N4BP2: variants seen among roughly 807,000 people sequenced by gnomAD.
N4BP2 encodes NEDD4 binding protein 2, also known as NEDD4-binding protein 2.
Under a neutral mutation model 152.8 loss-of-function variants are expected in N4BP2, and 91 were observed. That is an observed-to-expected ratio of 0.60 (90% CI 0.50 to 0.71). The LOEUF (loss-of-function observed/expected upper bound fraction) is 0.71, where lower values mean the gene tolerates loss of function less well. Ranked by LOEUF, N4BP2 falls within the 30% of genes least tolerant of loss-of-function variation. The probability of loss-of-function intolerance (pLI) is 0.00; values close to 1 mark genes in which losing one functional copy is unlikely to be tolerated. For missense variants in N4BP2, 1,923 were observed against 2,059.1 expected, an observed-to-expected ratio of 0.93 and a Z score of 1.28; for synonymous variants, 646 against 705.3, an observed-to-expected ratio of 0.92 and a Z score of 1.33.
chr4:40,085,153 C>T (rs2109927402), intron 2 of N4BP2, among the ~76,000 whole-genome samples: 1 of 150,422 alleles, frequency 6.6e-6, no homozygotes, highest in African/African-American at 2.4e-5. Context: ...CCTTGTGATC[C>T]ACTTGCCTTG....
chr4:40,091,417 G>T (rs1560584290), intron 2 of N4BP2, among the ~76,000 whole-genome samples: 1 of 151,876 alleles, frequency 6.6e-6, no homozygotes, highest in Non-Finnish European at 1.5e-5. Flanking sequence ...CTTTTATCAG[G>T]TTGAGAATAT....
intron 16 of N4BP2, among the ~76,000 whole-genome samples, chr4:40,147,408 G>C (rs1720651008): frequency 6.6e-6 from 1 of 152,092 alleles, no homozygotes; most frequent in African/African-American, 2.4e-5. Flanking sequence ...ATCATGGCAC[G>C]TTCTCAATGA....
rs927990236 is a variant in N4BP2, at chr4:40,158,149, T to G, written c.*3912T>G. On this transcript the variant is annotated 3_prime_UTR_variant, in exon 18 of 18. Coordinates refer to ENST00000261435, the MANE Select transcript of N4BP2 (RefSeq NM_018177.6). ...TAGAAAATGTAATTTTGCTGTTAAC[T>G]CTGTACTTTTTAAATTGAAAATGTT... 6.6e-6 allele frequency: 1 copy of G among 152,218 alleles called. No individual in the cohort carries two copies. The highest frequency in any genetic ancestry group is 2.1e-4 in the South Asian group (1 of 4,836). The allele number at this position is 152,218 out of a possible 1,614,324, so 9.4% of individuals were successfully genotyped here.
chr4:40,113,908 G>C (rs1717125999), intron 7 of N4BP2, among the ~76,000 whole-genome samples: 2 of 152,038 alleles, frequency 1.3e-5, no homozygotes, highest in Non-Finnish European at 2.9e-5. Flanking sequence ...TTATTACTTT[G>C]AATCATATGT....
intron 2 of N4BP2, among the ~76,000 whole-genome samples, chr4:40,091,933 G>A (rs942754219): frequency 8.4e-6 from 1 of 118,514 alleles, no homozygotes; most frequent in Non-Finnish European, 1.6e-5. Context: ...TATAAAAACA[G>A]TTATATCCAC....
intron 2 of N4BP2, among the ~76,000 whole-genome samples, chr4:40,084,094 G>C (rs1490268209): frequency 6.6e-6 from 1 of 152,170 alleles, no homozygotes; most frequent in East Asian, 1.9e-4. Flanking sequence ...GGGATTACAG[G>C]CATGCGCCAC....
intron 2 of N4BP2, among the ~76,000 whole-genome samples, chr4:40,093,148 T>TG (rs1328048432): frequency 6.6e-6 from 1 of 150,952 alleles, no homozygotes; most frequent in African/African-American, 2.4e-5. Context: ...TTCACCATGT[T>TG]GGCTAGGCTG....
chr4:40,120,285 C>G lies in N4BP2; in HGVS notation c.2174C>G (p.Pro725Arg), dbSNP rs140697612. The G allele has an allele frequency of 1.9e-6, 3 of 1,612,934 alleles. No individual in the cohort carries two copies. Among genetic ancestry groups the G allele is most frequent in the Admixed American group, 1.7e-5 (1 of 59,696 alleles). The change falls in exon 9 of 18, where the codon CCT becomes CGT. Residue 725 changes from proline (P) to arginine (R), a missense_variant. Pro to Arg is a moderately radical substitution (Grantham distance 103, BLOSUM62 -2). Transcript: ENST00000261435. ...DTDSSMERVS[P>R]STCCSENNQE... is the part of the protein sequence containing the mutation. ...GATAGTTCTATGGAGAGAGTATCAC[C>G]TAGTACTTGCTGTAGTGAAAATAAT...
downstream of N4BP2, among the ~76,000 whole-genome samples, chr4:40,160,039 C>G (rs1404091407): frequency 1.3e-5 from 2 of 151,954 alleles, no homozygotes; most frequent in Non-Finnish European, 2.9e-5. Flanking sequence ...AGGCTGGTCT[C>G]GAATTCCTGA....
intron 2 of N4BP2, among the ~76,000 whole-genome samples, chr4:40,085,660 C>T (rs1713868524): frequency 6.6e-6 from 1 of 151,878 alleles, no homozygotes; most frequent in Non-Finnish European, 1.5e-5. Context: ...GGGAAAAGAA[C>T]AGGCCCTAGG....
rs1715186623 is a variant in N4BP2 at position 40,097,308 on chromosome 4, G to C, written c.-33G>C. ...CTTAAATGTCAAACATCTTAACTAA[G>C]AAAAGGGAAACATTTTAGTTTTGGA... On this transcript the variant is annotated 5_prime_UTR_variant, in exon 3 of 18. Transcript: ENST00000261435. 1.3e-6 allele frequency: 2 copies of C among 1,573,476 alleles called. No individual in the cohort carries two copies. Among genetic ancestry groups the C allele is most frequent in the East Asian group, 4.5e-5 (2 of 44,532 alleles).
the N4BP2 span, among the ~76,000 whole-genome samples, chr4:40,164,667 A>G: frequency 6.6e-6 from 1 of 152,210 alleles, no homozygotes; most frequent in African/African-American, 2.4e-5. Flanking sequence ...AGATAGGGTC[A>G]CTGGGAGGGG....
chr4:40,127,550 A>AT (rs1237734903), intron 12 of N4BP2, among the ~76,000 whole-genome samples: 2 of 151,864 alleles, frequency 1.3e-5, no homozygotes, highest in Non-Finnish European at 1.5e-5. Flanking sequence ...ATTTACCTCT[A>AT]TTTTTTTATT....
chr4:40,151,009 G>A (rs1270869474), intron 16 of N4BP2, among the ~76,000 whole-genome samples: 1 of 152,176 alleles, frequency 6.6e-6, no homozygotes, highest in Non-Finnish European at 1.5e-5. Flanking sequence ...GGAGTGTGCT[G>A]AAAAATGAGT....
Position 40,120,538 on chromosome 4 carries a change from A to G in N4BP2, c.2427A>G (p.Lys809=), listed in dbSNP as rs1176203855. Residue 809 remains lysine (K), a synonymous_variant, in exon 9 of 18, where the codon AAA becomes AAG. Transcript: ENST00000261435. ...QRTKRNRKTE[K]TSSVQSDKKY... is the part of the protein sequence containing the mutation. ...CAAAAAGGAACAGAAAAACTGAAAA[A>G]ACTTCATCCGTACAAAGCGACAAAA... 10 of 1,613,402 alleles carry G rather than the reference A, an allele frequency of 6.2e-6. No individual in the cohort carries two copies. The African/African-American group carries it at 9.4e-5, about 15-fold the overall frequency.
intron 4 of N4BP2, among the ~76,000 whole-genome samples, chr4:40,105,946 A>G (rs1369720906): frequency 2.0e-5 from 3 of 152,184 alleles, no homozygotes; most frequent in Non-Finnish European, 4.4e-5. Flanking sequence ...AAGAGGATAA[A>G]CAGGAATTGG....
At chr4:40,177,434 G>A in the N4BP2 span, among the ~76,000 whole-genome samples, 3 of 152,090 alleles carry the variant, frequency 2.0e-5, no homozygotes, top group South Asian at 2.1e-4. Flanking sequence ...TGGCCAACAT[G>A]GTGAAACCCC....
intron 5 of N4BP2, among the ~76,000 whole-genome samples, chr4:40,111,452 T>C (rs998067264): frequency 9.9e-5 from 15 of 151,682 alleles, no homozygotes; most frequent in Non-Finnish European, 2.1e-4. Context: ...TCCCAAGTAG[T>C]TGGGACTACA....
chr4:40,124,679 A>T (rs1718234309), intron 11 of N4BP2, among the ~76,000 whole-genome samples: 1 of 152,142 alleles, frequency 6.6e-6, no homozygotes, highest in South Asian at 2.1e-4. Context: ...TTTTATTGAT[A>T]TGAAATAAAA....
Sources: allele counts gnomAD v4.1 joint callset (sites outside exome capture counted in the v4.1 genomes callset), GRCh38; gene constraint gnomAD v4.1.1; transcripts MANE v1.5; gene names NCBI Gene and HGNC (gene_info 2026-07-23, HGNC 2026-07-21).